The following RERG variants were observed in gnomAD, a reference collection of about 807,000 sequenced individuals.
The protein encoded by RERG is RAS like estrogen regulated growth inhibitor.
Under a neutral mutation model 23.2 loss-of-function variants are expected in RERG, and 25 were observed. The observed-to-expected ratio is 1.08, with a 90% CI of 0.79 to 1.50. The LOEUF (loss-of-function observed/expected upper bound fraction) is 1.50, where lower values mean the gene tolerates loss of function less well. Ranked by LOEUF, RERG falls within the 40% of genes most tolerant of loss-of-function variation. The probability of loss-of-function intolerance (pLI) is 0.00; values close to 1 mark genes in which losing one functional copy is unlikely to be tolerated. For missense variants in RERG, 253 were observed against 250.1 expected (o/e 1.01, Z -0.08); for synonymous variants, 81 against 89.1 (o/e 0.91, Z 0.51).
chr12:15,193,840 C>A (rs759278546), intron 2 of RERG, among the ~76,000 whole-genome samples: 1 of 152,064 alleles, frequency 6.6e-6, no homozygotes, highest in African/African-American at 2.4e-5. Flanking sequence ...CCTTAGAACG[C>A]TTTGGCTATC....
intron 2 of RERG, among the ~76,000 whole-genome samples, chr12:15,143,549 G>A (rs558567613): frequency 1.2e-4 from 19 of 152,208 alleles, no homozygotes; most frequent in African/African-American, 4.6e-4. Flanking sequence ...GCAATGAGCT[G>A]GTTGTTGAGT....
chr12:15,166,555 G>A (rs1483520931), intron 2 of RERG, among the ~76,000 whole-genome samples: 12 of 140,716 alleles, frequency 8.5e-5, no homozygotes, highest in South Asian at 2.2e-4. Context: ...TGGTGTTGGT[G>A]GTGGTGTTGG....
At chr12:15,158,761 C>T (rs1028860647) in intron 2 of RERG, among the ~76,000 whole-genome samples, 7 of 152,078 alleles carry the variant, frequency 4.6e-5, no homozygotes, top group Admixed American at 4.6e-4. Context: ...CGATGTGTGT[C>T]CTTCTTAGTG....
intron 2 of RERG, among the ~76,000 whole-genome samples, chr12:15,203,214 T>C (rs909598071): frequency 2.6e-5 from 4 of 151,746 alleles, no homozygotes; most frequent in African/African-American, 9.7e-5. Context: ...TATCTATTTT[T>C]AAAATTAACC....
chr12:15,136,675 T>C (rs182197814), intron 2 of RERG, among the ~76,000 whole-genome samples: 1 of 152,038 alleles, frequency 6.6e-6, no homozygotes, highest in Non-Finnish European at 1.5e-5. Flanking sequence ...TAGAAGTGTG[T>C]TGTTGAGTCT....
intron 2 of RERG, among the ~76,000 whole-genome samples, chr12:15,174,961 C>T (rs1371463961): frequency 6.6e-6 from 1 of 152,018 alleles, no homozygotes; most frequent in Non-Finnish European, 1.5e-5. Flanking sequence ...GATTTGGGAT[C>T]CCTCAGGGCC....
At chr12:15,154,959 G>A (rs12813245) in intron 2 of RERG, among the ~76,000 whole-genome samples, 45,702 of 152,018 alleles carry the variant, frequency 0.3, 7,192 homozygotes, top group Admixed American at 0.4. Context: ...TAAGTGTGAA[G>A]GCTTTAGACA....
intron 3 of RERG, among the ~76,000 whole-genome samples, chr12:15,119,449 TA>T (rs1863792364): frequency 6.6e-6 from 1 of 152,158 alleles, no homozygotes; most frequent in African/African-American, 2.4e-5. Flanking sequence ...GATACAGCAA[TA>T]AAAAATTTGT....
chr12:15,121,031 T>C (rs1459210377), intron 3 of RERG, 32 bp downstream of exon 3: 1 of 1,499,086 alleles, frequency 6.7e-7, no homozygotes, highest in Admixed American at 1.7e-5. Context: ...AAATTTTTAT[T>C]GAAGAGGAGA....
chr12:15,109,683 TCATGACTTATC>T (rs1234496286), intron 4 of RERG, among the ~76,000 whole-genome samples, 166 bp from the exon 5 acceptor site: 1 of 152,228 alleles, frequency 6.6e-6, no homozygotes, highest in Non-Finnish European at 1.5e-5. Flanking sequence ...TTAAATACAG[TCATGACTTATC>T]CATCTCAACA....
intron 2 of RERG, among the ~76,000 whole-genome samples, chr12:15,134,704 T>G (rs753786734): frequency 2.0e-5 from 3 of 152,164 alleles, no homozygotes; most frequent in Admixed American, 6.5e-5. Context: ...AACCTCCACC[T>G]CCTGGGTTCA....
chr12:15,112,791 AGAATAAAATACATAGAG>A (rs1434790965), intron 3 of RERG, among the ~76,000 whole-genome samples: 3 of 152,196 alleles, frequency 2.0e-5, no homozygotes, highest in Admixed American at 2.0e-4. Flanking sequence ...CTCAAAGGAG[AGAATAAAATACATAGAG>A]GAGTGGAAAT....
chr12:15,142,590 T>C (rs1217787218), intron 2 of RERG, among the ~76,000 whole-genome samples: 1 of 152,168 alleles, frequency 6.6e-6, no homozygotes, highest in Non-Finnish European at 1.5e-5. Flanking sequence ...AGCATCAATT[T>C]TGGATTGTTT....
chr12:15,116,333 C>T (rs1863721189), intron 3 of RERG, among the ~76,000 whole-genome samples: 1 of 152,178 alleles, frequency 6.6e-6, no homozygotes, highest in African/African-American at 2.4e-5. Context: ...AAACAGAGTT[C>T]TGGGCTCTAT....
chr12:15,110,334 G>A (rs1863581761), intron 4 of RERG, among the ~76,000 whole-genome samples: 1 of 152,118 alleles, frequency 6.6e-6, no homozygotes, highest in South Asian at 2.1e-4. Flanking sequence ...AAGTGGAAAA[G>A]TGGGTAATTC....
At chr12:15,153,309 C>T (rs1176330379) in intron 2 of RERG, among the ~76,000 whole-genome samples, 1 of 152,092 alleles carries the variant, frequency 6.6e-6, no homozygotes, top group Admixed American at 6.5e-5. Context: ...CACAGCTAAC[C>T]ATTGTGAAGA....
At chr12:15,151,610 C>T (rs1864443849) in intron 2 of RERG, among the ~76,000 whole-genome samples, 1 of 152,188 alleles carries the variant, frequency 6.6e-6, no homozygotes, top group Non-Finnish European at 1.5e-5. Context: ...TAAGTGGTAA[C>T]AAAAGGTAGA....
At chr12:15,161,144 AAG>A (rs1417728667) in intron 2 of RERG, among the ~76,000 whole-genome samples, 1 of 67,464 alleles carries the variant, frequency 1.5e-5, no homozygotes, top group African/African-American at 6.6e-5. Context: ...CAGAAAAAGA[AAG>A]AAAGAAAGAA....
At chr12:15,170,824 T>C (rs1334266039) in intron 2 of RERG, among the ~76,000 whole-genome samples, 1 of 152,216 alleles carries the variant, frequency 6.6e-6, no homozygotes, top group East Asian at 1.9e-4. Context: ...TTTAAAAGTC[T>C]AAATCACTTT....
Sources: allele counts gnomAD v4.1 joint callset (sites outside exome capture counted in the v4.1 genomes callset), GRCh38; gene constraint gnomAD v4.1.1; transcripts MANE v1.5; gene names NCBI Gene and HGNC (gene_info 2026-07-23, HGNC 2026-07-21).